Variants in GPRIN3 observed in about 807,000 individuals in gnomAD.
GPRIN3 encodes G protein-regulated inducer of neurite outgrowth 3.
Under a neutral mutation model 13.7 loss-of-function variants are expected in GPRIN3, and 12 were observed. The observed-to-expected ratio is 0.87, with a 90% CI of 0.56 to 1.42. The LOEUF (loss-of-function observed/expected upper bound fraction) is 1.42. Ranked by LOEUF, GPRIN3 falls within the 40% of genes most tolerant of loss-of-function variation. The pLI is 0.00. For missense variants in GPRIN3, 1,009 were observed against 958.7 expected, an observed-to-expected ratio of 1.05 and a Z score of -0.69; for synonymous variants, 377 against 372.7, an observed-to-expected ratio of 1.01 and a Z score of -0.13.
At chr4:89,278,862 G>C (rs1724166263) in intron 1 of GPRIN3, among the ~76,000 whole-genome samples, 1 of 152,222 alleles carries the variant, frequency 6.6e-6, no homozygotes, top group South Asian at 2.1e-4. Flanking sequence ...GGTAGTCACA[G>C]AATTGAGGGG....
chr4:89,238,098 T>A lies in GPRIN3; in HGVS notation c.*9682A>T, dbSNP rs1257400153. ...GGCAGCCACAGGGCACCATTTTAGG[T>A]TAAAATAGTGTGCATTTATACACAC... is the stretch of plus-strand genomic sequence containing the variant. On this transcript the variant is annotated 3_prime_UTR_variant, in exon 2 of 2. Transcript: ENST00000609438. 1.4e-5 allele frequency: 2 copies of A among 142,028 alleles called. No homozygotes were observed. The highest frequency in any genetic ancestry group is 3.0e-5 in the Non-Finnish European group (2 of 66,208). The allele number at this position is 142,028 out of a possible 1,614,324, so 8.8% of individuals were successfully genotyped here.
Position 89,248,256 on chromosome 4 carries a change from A to T in GPRIN3, c.1855T>A (p.Ser619Thr). Residue 619 changes from serine (S) to threonine (T), a missense_variant, in exon 2 of 2, where the codon TCT becomes ACT. By Grantham distance (58) the Ser-to-Thr change is moderately conservative (BLOSUM62 1). Transcript: ENST00000609438. ...GAGCGAGATGGGGTCTTCTTGCCAG[A>T]ACCTGGGCTGGAGTCACCCATGGGA... ...SDPMGDSSPG[S>T]GKKTPSRSVK... 2 of 1,614,120 alleles carry T rather than the reference A, an allele frequency of 1.2e-6. No homozygotes were observed. Among genetic ancestry groups the T allele is most frequent in the Non-Finnish European group, 1.7e-6 (2 of 1,180,012 alleles).
At chr4:89,261,762 T>C (rs1402044354) in intron 1 of GPRIN3, among the ~76,000 whole-genome samples, 2 of 152,184 alleles carry the variant, frequency 1.3e-5, no homozygotes, top group Admixed American at 1.3e-4. Flanking sequence ...AAAATTATGC[T>C]ATTTTGATGA....
intron 1 of GPRIN3, among the ~76,000 whole-genome samples, chr4:89,269,806 C>T (rs1219064233): frequency 6.6e-6 from 1 of 152,134 alleles, no homozygotes; most frequent in Non-Finnish European, 1.5e-5. Flanking sequence ...GGTTTGAGCA[C>T]ATAACCGGTG....
intron 1 of GPRIN3, among the ~76,000 whole-genome samples, chr4:89,258,299 C>G (rs977187022): frequency 4.0e-5 from 6 of 151,808 alleles, no homozygotes; most frequent in Middle Eastern, 3.4e-3. Context: ...AACCTGCAAC[C>G]TCCACCTCCT....
At chr4:89,303,744 T>C (rs1724961571) in intron 1 of GPRIN3, among the ~76,000 whole-genome samples, 1 of 150,008 alleles carries the variant, frequency 6.7e-6, no homozygotes, top group South Asian at 2.1e-4. Flanking sequence ...TGTATATACA[T>C]GTATACCATT....
chr4:89,285,369 C>G (rs1005596574), intron 1 of GPRIN3, among the ~76,000 whole-genome samples: 6 of 151,952 alleles, frequency 3.9e-5, no homozygotes, highest in African/African-American at 1.5e-4. Flanking sequence ...AAGAAAAATC[C>G]CTAAACATAT....
At chr4:89,294,603 T>C (rs893853210) in intron 1 of GPRIN3, among the ~76,000 whole-genome samples, 4 of 152,150 alleles carry the variant, frequency 2.6e-5, no homozygotes, top group Non-Finnish European at 5.9e-5. Context: ...TTATTAAACA[T>C]CAATTGAACT....
Position 89,248,463 on chromosome 4 carries a change from CTT to C in GPRIN3, c.1646_1647del (p.Lys549ArgfsTer6). ...TCCGAGGTATCAGTGCCAGTAGACT[CTT>C]TTTCTTTTACTACCTGAGGAGATGC... ...KPASPQVVKE[K>X]ESTGTDTSDA... is the part of the protein sequence containing the mutation. On this transcript the variant is annotated frameshift_variant, in exon 2 of 2. Transcript: ENST00000609438. LOFTEE classifies it low-confidence loss of function (END_TRUNC). 2 of 1,612,978 alleles carry C rather than the reference CTT, an allele frequency of 1.2e-6. No individual in the cohort carries two copies. The highest frequency in any genetic ancestry group is 1.7e-6 in the Non-Finnish European group (2 of 1,179,596).
intron 1 of GPRIN3, among the ~76,000 whole-genome samples, chr4:89,261,256 C>T (rs895946969): frequency 8.5e-5 from 13 of 152,236 alleles, no homozygotes; most frequent in African/African-American, 2.2e-4. Context: ...TGTTTAGCAG[C>T]GCAATGCTGG....
chr4:89,304,403 C>T (rs1221005432), intron 1 of GPRIN3, among the ~76,000 whole-genome samples: 1 of 56,442 alleles, frequency 1.8e-5, no homozygotes, highest in Non-Finnish European at 3.0e-5. Flanking sequence ...TGCAGGCTTG[C>T]ACACACACAC....
chr4:89,302,238 A>G (rs1724919197), intron 1 of GPRIN3, among the ~76,000 whole-genome samples: 1 of 152,148 alleles, frequency 6.6e-6, no homozygotes. Context: ...ACTCTTGGAC[A>G]TTGTCTTCAG....
chr4:89,291,798 C>T (rs1234725934), intron 1 of GPRIN3, among the ~76,000 whole-genome samples: 8 of 146,248 alleles, frequency 5.5e-5, no homozygotes, highest in African/African-American at 2.0e-4. Flanking sequence ...CCAGTTGCTT[C>T]ATATCCTTAC....
intron 1 of GPRIN3, among the ~76,000 whole-genome samples, chr4:89,281,467 C>T (rs528463564): frequency 6.6e-6 from 1 of 152,298 alleles, no homozygotes; most frequent in African/African-American, 2.4e-5. Flanking sequence ...AGAAGTCACT[C>T]ACTGTCGTGA....
chr4:89,279,921 C>G (rs896494082), intron 1 of GPRIN3, among the ~76,000 whole-genome samples: 5 of 152,322 alleles, frequency 3.3e-5, no homozygotes, highest in South Asian at 2.1e-4. Flanking sequence ...CCAGCCAGAG[C>G]TCCCTTATTC....
At chr4:89,285,701 T>C (rs1724386797) in intron 1 of GPRIN3, among the ~76,000 whole-genome samples, 2 of 152,346 alleles carry the variant, frequency 1.3e-5, no homozygotes, top group East Asian at 3.9e-4. Flanking sequence ...TCTCCATAAT[T>C]ACTCCTCAAA....
At chr4:89,287,268 GATTA>G (rs1283578849) in intron 1 of GPRIN3, among the ~76,000 whole-genome samples, 1 of 152,168 alleles carries the variant, frequency 6.6e-6, no homozygotes, top group Non-Finnish European at 1.5e-5. Flanking sequence ...GAAAGCAAAT[GATTA>G]ATTAACATTA....
At chr4:89,281,053 G>T (rs1235531849) in intron 1 of GPRIN3, among the ~76,000 whole-genome samples, 1 of 150,120 alleles carries the variant, frequency 6.7e-6, no homozygotes, top group Non-Finnish European at 1.5e-5. Context: ...ATGTTGGAAG[G>T]TGAAGGGGGG....
chr4:89,280,457 T>G (rs1724216107), intron 1 of GPRIN3, among the ~76,000 whole-genome samples: 1 of 152,212 alleles, frequency 6.6e-6, no homozygotes, highest in Non-Finnish European at 1.5e-5. Context: ...CTCTTAAGCT[T>G]CATGTCTCTT....
Sources: allele counts gnomAD v4.1 joint callset (sites outside exome capture counted in the v4.1 genomes callset), GRCh38; gene constraint gnomAD v4.1.1; transcripts MANE v1.5; gene names NCBI Gene and HGNC (gene_info 2026-07-23, HGNC 2026-07-21).